The following LPIN1 variants were observed in gnomAD, a reference collection of about 807,000 sequenced individuals.
The protein encoded by LPIN1 is phosphatidate phosphatase LPIN1.
LPIN1 carries 71 observed loss-of-function variants against 107.5 expected under a neutral mutation model. That is an observed-to-expected ratio of 0.66 (90% CI 0.55 to 0.80). LPIN1 has a LOEUF of 0.80. Ranked by LOEUF, LPIN1 falls within the 30% of genes least tolerant of loss-of-function variation. LPIN1 has a pLI of 0.00. For synonymous variants in LPIN1, 445 were observed against 452.6 expected, an observed-to-expected ratio of 0.98 and a Z score of 0.21; for missense variants, 1,043 against 1,160.6, an observed-to-expected ratio of 0.90 and a Z score of 1.47.
rs1395611335 is a variant in LPIN1, at chr2:11,765,936, C to G, written c.192+203C>G. ...AATTAAAGTGCCGTGGCACACACCACTGTTTATTAAGCTCCTGTATCTGTG... is the reference window on the plus strand; with the variant it reads ...AATTAAAGTGCCGTGGCACACACCAGTGTTTATTAAGCTCCTGTATCTGTG... On this transcript the variant is annotated intron_variant, in intron 2 of 20. Coordinates refer to ENST00000674199, the MANE Select transcript of LPIN1 (RefSeq NM_001349206.2). This position sits in a 1 kb window ranked among gnomAD's most constrained non-coding sequence, Gnocchi z 4.4. Among the ~76,000 whole-genome samples, 1 of 152,236 alleles carries G rather than the reference C, an allele frequency of 6.6e-6. No homozygotes were observed.
At chr2:11,753,151 A>G (rs1211252181) in intron 1 of LPIN1, among the ~76,000 whole-genome samples, 1 of 152,022 alleles carries the variant, frequency 6.6e-6, no homozygotes, top group East Asian at 1.9e-4. Flanking sequence ...CCACTTTGCC[A>G]CCCTGGAAGC....
chr2:11,760,678 G>C (rs992031963), intron 1 of LPIN1, among the ~76,000 whole-genome samples: 1 of 152,164 alleles, frequency 6.6e-6, no homozygotes, highest in Non-Finnish European at 1.5e-5. Context: ...GTGGAAAGAG[G>C]GACAGGGAGA....
At chr2:11,719,295 C>G (rs1380486663) in intron 2 of LPIN1, among the ~76,000 whole-genome samples, 1 of 152,088 alleles carries the variant, frequency 6.6e-6, no homozygotes, top group Admixed American at 6.6e-5. Flanking sequence ...TTTTATTTAG[C>G]ATGAACAGGA....
intron 1 of LPIN1, among the ~76,000 whole-genome samples, chr2:11,761,029 A>T (rs1669743092): frequency 6.6e-6 from 1 of 152,166 alleles, no homozygotes; most frequent in Non-Finnish European, 1.5e-5. Flanking sequence ...CAGCCCTGTG[A>T]TCTTCATTGC....
At chr2:11,729,551 G>A (rs1238802965) in intron 1 of LPIN1, among the ~76,000 whole-genome samples, 3 of 152,176 alleles carry the variant, frequency 2.0e-5, no homozygotes, top group Non-Finnish European at 1.5e-5. Context: ...TGTAAATCAA[G>A]TCTTATTGGA....
rs761790175 is a variant in LPIN1 at position 11,804,470 on chromosome 2, C to T, written c.2061C>T (p.Val687=). Residue 687 remains valine (V), a synonymous_variant, in exon 16 of 21, where the codon GTC becomes GTT. Coordinates refer to ENST00000674199, the MANE Select transcript of LPIN1 (RefSeq NM_001349206.2). Reference sequence around the variant, plus strand: ...GCCCCAACGACGTGGTTTTCAGTGTCACCACGCAGTACCAAGGCACGTGCC... The same window carrying T: ...GCCCCAACGACGTGGTTTTCAGTGTTACCACGCAGTACCAAGGCACGTGCC... ...KNGPNDVVFS[V]TTQYQGTCRC... The T allele has an allele frequency of 5.6e-6, 9 of 1,614,236 alleles. No individual in the cohort carries two copies. Among genetic ancestry groups the T allele is most frequent in the Non-Finnish European group, 6.8e-6 (8 of 1,180,034 alleles).
intron 1 of LPIN1, among the ~76,000 whole-genome samples, chr2:11,726,518 A>G (rs1313445074): frequency 1.3e-5 from 2 of 151,586 alleles, no homozygotes; most frequent in African/African-American, 4.9e-5. Flanking sequence ...TTGTCGTCCA[A>G]AGCTCCTCCA....
chr2:11,679,917 A>G (rs1661620182), intron 1 of LPIN1, among the ~76,000 whole-genome samples: 1 of 152,156 alleles, frequency 6.6e-6, no homozygotes, highest in African/African-American at 2.4e-5. Context: ...CTGCACCTGG[A>G]GGAATCTGGC....
At chr2:11,800,173 C>T (rs957370554) in intron 14 of LPIN1, among the ~76,000 whole-genome samples, 1 of 152,208 alleles carries the variant, frequency 6.6e-6, no homozygotes, top group African/African-American at 2.4e-5. Flanking sequence ...CGATGCCTGG[C>T]ATGGTATGCT....
intron 6 of LPIN1, among the ~76,000 whole-genome samples, chr2:11,777,774 T>C (rs1672907521): frequency 6.6e-6 from 1 of 152,212 alleles, no homozygotes; most frequent in Admixed American, 6.5e-5. Context: ...TTAGTGACAG[T>C]GAGATAATTT....
upstream of LPIN1, chr2:11,746,519 C>A: frequency 3.2e-6 from 1 of 316,202 alleles, no homozygotes; most frequent in Non-Finnish European, 4.6e-6. Context: ...GCCGGGCCAC[C>A]AGCGCGTCCC....
intron 1 of LPIN1, among the ~76,000 whole-genome samples, chr2:11,696,446 C>T (rs542061557): frequency 6.6e-6 from 1 of 152,174 alleles, no homozygotes; most frequent in South Asian, 2.1e-4. Context: ...ATATATTCAC[C>T]TCTAGTCCAT....
chr2:11,767,841 G>A lies in LPIN1; in HGVS notation c.271G>A (p.Glu91Lys). The change falls in exon 3 of 21, where the codon GAA (glutamate) becomes AAA (lysine). Residue 91 changes from glutamate to lysine, a missense_variant. Glu to Lys is a moderately conservative substitution (Grantham distance 56). Coordinates refer to ENST00000674199, the MANE Select transcript of LPIN1 (RefSeq NM_001349206.2). Reference sequence around the variant, plus strand: ...TAATGGAGAAGCATTTTTTGTTCAAGAAACAGATAATGATCAGGTAAGGAA... The same window carrying A: ...TAATGGAGAAGCATTTTTTGTTCAAAAAACAGATAATGATCAGGTAAGGAA... Reference protein sequence around the residue: ...GDNGEAFFVQETDNDQEVIPM... With the variant: ...GDNGEAFFVQKTDNDQEVIPM... 3.1e-6 allele frequency: 5 copies of A among 1,609,118 alleles called. No individual in the cohort carries two copies. The highest frequency in any genetic ancestry group is 4.3e-6 in the Non-Finnish European group (5 of 1,175,430).
chr2:11,755,431 T>G (rs1254276400), intron 1 of LPIN1, among the ~76,000 whole-genome samples: 2 of 152,140 alleles, frequency 1.3e-5, no homozygotes, highest in Non-Finnish European at 2.9e-5. Context: ...ATGGGGCAGG[T>G]ACCGCGTCAG....
intron 2 of LPIN1, among the ~76,000 whole-genome samples, chr2:11,718,390 G>A (rs931297719): frequency 6.7e-6 from 1 of 149,446 alleles, no homozygotes; most frequent in African/African-American, 2.6e-5. Context: ...ACCATGCCCA[G>A]CTAATTTTTT....
chr2:11,760,330 C>A (rs1403797916), intron 1 of LPIN1, among the ~76,000 whole-genome samples: 5 of 151,092 alleles, frequency 3.3e-5, no homozygotes, highest in African/African-American at 7.3e-5. Flanking sequence ...CCAAGGCAGG[C>A]GGCTGGGAGG....
chr2:11,752,560 T>C (rs1384287516), intron 1 of LPIN1, among the ~76,000 whole-genome samples: 2 of 148,186 alleles, frequency 1.3e-5, no homozygotes, highest in Non-Finnish European at 1.5e-5. Flanking sequence ...GCCTCCCAAG[T>C]AGCTGGGACT....
At chr2:11,708,312 G>C (rs6736015) in intron 1 of LPIN1, among the ~76,000 whole-genome samples, 23,414 of 152,138 alleles carry the variant, frequency 0.15, 1,993 homozygotes, top group East Asian at 0.3. Flanking sequence ...ATTTGCCAAG[G>C]GGGGGACTCT....
At chr2:11,814,895 TAGTGAATTAC>T (rs1465031287) in intron 17 of LPIN1, among the ~76,000 whole-genome samples, 183 bp from the exon 18 acceptor site, 2 of 152,174 alleles carry the variant, frequency 1.3e-5, no homozygotes, top group East Asian at 1.9e-4. Flanking sequence ...CAAAAGCACT[TAGTGAATTAC>T]AGTGAAATGT....
Sources: gnomAD v4.1 joint callset for allele counts (sites outside exome capture counted in the v4.1 genomes callset) on GRCh38, gnomAD v4.1.1 for gene constraint, Gnocchi (gnomAD v3.1) non-coding constraint, MANE v1.5 for transcripts, NCBI Gene and HGNC (gene_info 2026-07-23, HGNC 2026-07-21) for gene names.